TM9SF4: variants seen among roughly 807,000 people sequenced by gnomAD.
The protein encoded by TM9SF4 is transmembrane 9 superfamily member 4.
In TM9SF4, 26 loss-of-function variants were observed where a neutral mutation model predicts 90.4. The ratio of observed to expected loss-of-function variants is 0.29; its 90% CI spans 0.21 to 0.40. The LOEUF is 0.40. Among genes scored for constraint, TM9SF4 ranks in the 10% least tolerant of loss-of-function variants. The pLI, the probability that TM9SF4 is intolerant of heterozygous loss-of-function variation, is 1.00. For missense variants in TM9SF4, 549 were observed against 834.8 expected (o/e 0.66, Z 4.22); for synonymous variants, 293 against 315.4 (o/e 0.93, Z 0.75).
rs76951530 is a variant in TM9SF4 at position 32,110,079 on chromosome 20, C to T, written c.15+324C>T. 128 of 1,240,180 alleles carry T rather than the reference C, an allele frequency of 1.0e-4. No homozygotes were observed. The Middle Eastern group carries it at 1.3e-3, about 13-fold the overall frequency. 76.8% of individuals were successfully genotyped at this position (1,240,180 alleles called of 1,614,324 possible). A position where few individuals can be genotyped will look rare whatever the true frequency, so the allele number is the denominator to read the frequency against. On this transcript the variant is annotated intron_variant, in intron 1 of 17. Coordinates refer to ENST00000398022, the MANE Select transcript of TM9SF4 (RefSeq NM_014742.4). ...CCATTTCTCACCTCCCTGTCCTGAC[C>T]CCTCTGAAGACCCCCTCCCGTTATT...
intron 13 of TM9SF4, among the ~76,000 whole-genome samples, chr20:32,155,455 C>T (rs2122457910): frequency 6.6e-6 from 1 of 152,354 alleles, no homozygotes; most frequent in Middle Eastern, 3.4e-3. Context: ...AGTCCAGCGG[C>T]CAACTGGGGA....
At chr20:32,138,831 A>G (rs1389275282) in intron 3 of TM9SF4, among the ~76,000 whole-genome samples, 1 of 152,162 alleles carries the variant, frequency 6.6e-6, no homozygotes, top group Non-Finnish European at 1.5e-5. Flanking sequence ...TTGACAGGAG[A>G]TGAAATAGGC....
At chr20:32,143,867 T>C (rs1360463036) in intron 6 of TM9SF4, among the ~76,000 whole-genome samples, 1 of 152,102 alleles carries the variant, frequency 6.6e-6, no homozygotes, top group African/African-American at 2.4e-5. Context: ...CGTTTGCATG[T>C]GTGACGCTTT....
intron 1 of TM9SF4, among the ~76,000 whole-genome samples, chr20:32,131,717 G>A (rs749786307): frequency 2.0e-5 from 3 of 152,172 alleles, no homozygotes; most frequent in Non-Finnish European, 4.4e-5. Context: ...ACAAAAGTTC[G>A]TTGTTCAGAC....
At chr20:32,143,366 A>G (rs78236073) in intron 6 of TM9SF4, among the ~76,000 whole-genome samples, 2,851 of 152,314 alleles carry the variant, frequency 0.019, 87 homozygotes, top group African/African-American at 0.066. Context: ...TTACAAAGGA[A>G]GAACTAGAGG....
At chr20:32,161,035 T>G in intron 16 of TM9SF4, 2 of 327,102 alleles carry the variant, frequency 6.1e-6, no homozygotes, top group Non-Finnish European at 1.1e-5. Flanking sequence ...ATTTTTTTGT[T>G]GTTGATTTTT....
intron 12 of TM9SF4, among the ~76,000 whole-genome samples, chr20:32,153,824 A>G (rs2122452492): frequency 6.6e-6 from 1 of 152,284 alleles, no homozygotes; most frequent in South Asian, 2.1e-4. Context: ...TACCCCACCC[A>G]AGAGATTCTG....
chr20:32,159,973 C>T lies in TM9SF4; in HGVS notation c.1570-19C>T, dbSNP rs1055308199. The T allele has an allele frequency of 6.2e-7, 1 of 1,614,072 alleles. No individual in the cohort carries two copies. Among genetic ancestry groups the T allele is most frequent in the Non-Finnish European group, 8.5e-7 (1 of 1,179,936 alleles). On this transcript the variant is annotated intron_variant, in intron 15 of 17. Transcript: ENST00000398022. ...AGCAGGGTGGTCAAGCCAGCTGAAG[C>T]CCCACTGTGTGTCCACAGGCTATCT...
chr20:32,114,117 T>C (rs2046187595), intron 1 of TM9SF4, among the ~76,000 whole-genome samples: 2 of 152,198 alleles, frequency 1.3e-5, no homozygotes, highest in Admixed American at 6.5e-5. Context: ...GCTGTGAACA[T>C]TCAGGTGTAA....
intron 12 of TM9SF4, among the ~76,000 whole-genome samples, chr20:32,153,045 G>A (rs577276843): frequency 6.6e-6 from 1 of 152,300 alleles, no homozygotes; most frequent in Admixed American, 6.5e-5. Flanking sequence ...CGGGCCTTGA[G>A]GAGGATTTCA....
At chr20:32,163,268 A>AAAAAT (rs1555886757) in intron 17 of TM9SF4, among the ~76,000 whole-genome samples, 3 of 74,498 alleles carry the variant, frequency 4.0e-5, no homozygotes, top group Non-Finnish European at 7.4e-5. Context: ...AAAAAAAAAA[A>AAAAAT]ATATATATAT....
intron 1 of TM9SF4, among the ~76,000 whole-genome samples, chr20:32,122,773 T>C (rs79977447): frequency 1.0e-3 from 156 of 151,918 alleles, no homozygotes; most frequent in African/African-American, 3.5e-3. Flanking sequence ...GGGTGGCGGC[T>C]GGGCAGAGGC....
chr20:32,116,353 A>G (rs2046222535), intron 1 of TM9SF4: 1 of 152,240 alleles, frequency 6.6e-6, no homozygotes, highest in Non-Finnish European at 1.5e-5. Context: ...GTGGTGAGCT[A>G]TCTAAGCCTG....
intron 1 of TM9SF4, among the ~76,000 whole-genome samples, chr20:32,124,787 A>G (rs1301738832): frequency 5.9e-5 from 9 of 152,010 alleles, no homozygotes; most frequent in Admixed American, 5.9e-4. Context: ...GGGTTTCACC[A>G]TCTTGGTCAG....
intron 12 of TM9SF4, among the ~76,000 whole-genome samples, chr20:32,153,879 G>A (rs1460944687): frequency 6.6e-6 from 1 of 152,220 alleles, no homozygotes; most frequent in Non-Finnish European, 1.5e-5. Flanking sequence ...TGGGCTCTGG[G>A]GTCAGACTGC....
intron 1 of TM9SF4, among the ~76,000 whole-genome samples, chr20:32,131,259 C>T (rs2235898): frequency 0.42 from 64,263 of 151,940 alleles, 13,951 homozygotes; most frequent in East Asian, 0.74. Context: ...CACAACAAAT[C>T]GGAGGAAAAA....
chr20:32,134,571 C>T (rs980106483), intron 2 of TM9SF4, among the ~76,000 whole-genome samples: 1 of 152,134 alleles, frequency 6.6e-6, no homozygotes, highest in Non-Finnish European at 1.5e-5. Context: ...CTTTGCATTT[C>T]TCTGCACAAA....
intron 17 of TM9SF4, among the ~76,000 whole-genome samples, chr20:32,161,955 T>G (rs1362932455): frequency 6.6e-6 from 1 of 152,108 alleles, no homozygotes; most frequent in East Asian, 1.9e-4. Context: ...ATAGGTAAAG[T>G]GTGGCCCAAT....
chr20:32,153,809 GC>G (rs2046878000), intron 12 of TM9SF4, among the ~76,000 whole-genome samples: 1 of 152,304 alleles, frequency 6.6e-6, no homozygotes, highest in East Asian at 1.9e-4. Flanking sequence ...GAATCCCTGT[GC>G]CTATACCCCA....
Sources: gnomAD v4.1 joint callset for allele counts (sites outside exome capture counted in the v4.1 genomes callset) on GRCh38, gnomAD v4.1.1 for gene constraint, MANE v1.5 for transcripts, NCBI Gene and HGNC (gene_info 2026-07-23, HGNC 2026-07-21) for gene names.